NRXN1: variants seen among roughly 807,000 people sequenced by gnomAD.
The protein encoded by NRXN1 is neurexin-1.
A neutral mutation model predicts 150.9 loss-of-function variants in NRXN1; 39 were observed. That is an observed-to-expected ratio of 0.26 (90% CI 0.20 to 0.34). NRXN1 has a LOEUF of 0.34. NRXN1 is among the 10% of genes least tolerant of loss of function. The pLI is 1.00. For synonymous variants in NRXN1, 924 were observed against 757.0 expected (o/e 1.22, Z -3.62); for missense variants, 1,815 against 1,949.9 (o/e 0.93, Z 1.30).
At chr2:50,282,705 GA>G (rs2071620814) in intron 17 of NRXN1, among the ~76,000 whole-genome samples, 1 of 152,084 alleles carries the variant, frequency 6.6e-6, no homozygotes, top group African/African-American at 2.4e-5. Context: ...TTCATAATGG[GA>G]AATCAGATGA....
At chr2:50,142,653 T>C (rs990705101) in intron 18 of NRXN1, among the ~76,000 whole-genome samples, 1 of 151,978 alleles carries the variant, frequency 6.6e-6, no homozygotes, top group Non-Finnish European at 1.5e-5. Flanking sequence ...AATGATTTCA[T>C]ATAACTTTAG....
chr2:50,815,888 T>G (rs997817102), intron 5 of NRXN1, among the ~76,000 whole-genome samples: 1 of 152,172 alleles, frequency 6.6e-6, no homozygotes, highest in Non-Finnish European at 1.5e-5. Flanking sequence ...AAGTGTATCC[T>G]GAAAAATGCT....
At chr2:49,938,236 A>G (rs895431758) in intron 22 of NRXN1, among the ~76,000 whole-genome samples, 2 of 152,208 alleles carry the variant, frequency 1.3e-5, no homozygotes, top group African/African-American at 4.8e-5. Context: ...TACATGACAT[A>G]ACTTAATCTC....
At chr2:50,789,551 T>C (rs1386707117) in intron 5 of NRXN1, among the ~76,000 whole-genome samples, 1 of 152,234 alleles carries the variant, frequency 6.6e-6, no homozygotes, top group Non-Finnish European at 1.5e-5. Flanking sequence ...GCAGTGTCTT[T>C]CTGAGACAGT....
At chr2:51,014,654 T>C (rs1486566880) in intron 2 of NRXN1, among the ~76,000 whole-genome samples, 1 of 152,032 alleles carries the variant, frequency 6.6e-6, no homozygotes, top group African/African-American at 2.4e-5. Context: ...AAGTGAAGAG[T>C]CTGGCCTCAG....
chr2:50,877,573 A>G (rs940032498), intron 5 of NRXN1, among the ~76,000 whole-genome samples: 1 of 151,920 alleles, frequency 6.6e-6, no homozygotes, highest in Non-Finnish European at 1.5e-5. Context: ...TAAGTTATAT[A>G]CTTTAATTGT....
chr2:50,568,014 G>GA (rs972614909), intron 8 of NRXN1, among the ~76,000 whole-genome samples: 4 of 152,052 alleles, frequency 2.6e-5, no homozygotes, highest in Admixed American at 2.6e-4. Flanking sequence ...TTTTTCAGAA[G>GA]AAACTGAGCT....
chr2:50,407,440 C>T (rs1002273668), intron 17 of NRXN1, among the ~76,000 whole-genome samples: 2 of 152,178 alleles, frequency 1.3e-5, no homozygotes, highest in African/African-American at 4.8e-5. Flanking sequence ...TCACTGTCTT[C>T]AGCCTCATTG....
chr2:49,994,971 G>A (rs144292870), intron 21 of NRXN1, among the ~76,000 whole-genome samples: 1 of 152,286 alleles, frequency 6.6e-6, no homozygotes, highest in Non-Finnish European at 1.5e-5. Flanking sequence ...CAATTTAGGT[G>A]TAGTTCTCAT....
chr2:50,314,516 G>GA (rs199972717), intron 17 of NRXN1, among the ~76,000 whole-genome samples: 26 of 150,238 alleles, frequency 1.7e-4, no homozygotes, highest in East Asian at 1.6e-3. Flanking sequence ...ATCCCTCAGA[G>GA]AAAAAAAAAT....
At chr2:50,768,799 C>T (rs571013041) in intron 5 of NRXN1, among the ~76,000 whole-genome samples, 5 of 151,890 alleles carry the variant, frequency 3.3e-5, no homozygotes, top group South Asian at 4.2e-4. Flanking sequence ...TGATAGCTCA[C>T]AACTCCCTCA....
chr2:50,370,864 T>C (rs2079969182), intron 17 of NRXN1, among the ~76,000 whole-genome samples: 2 of 151,936 alleles, frequency 1.3e-5, no homozygotes, highest in African/African-American at 2.4e-5. Flanking sequence ...AGACTGAAAA[T>C]TACCCTCCTA....
intron 18 of NRXN1, among the ~76,000 whole-genome samples, chr2:50,121,271 T>G (rs1308538084): frequency 2.6e-5 from 4 of 152,242 alleles, no homozygotes; most frequent in Non-Finnish European, 5.9e-5. Flanking sequence ...TCCGCCTGCC[T>G]CAGCCTCCCA....
Position 49,950,257 on chromosome 2 carries a change from G to T in NRXN1, c.4129-6466C>A, listed in dbSNP as rs72885894. On this transcript the variant is annotated intron_variant, in intron 21 of 22. Transcript: ENST00000401669. ...TTCAGTTAATGAACAATCCTATTAA[G>T]GTGCAAGAGGAATTTAGAGGCTGTC... is the stretch of plus-strand genomic sequence containing the variant. Among the ~76,000 whole-genome samples, 869 of 151,994 alleles carry T rather than the reference G, an allele frequency of 5.7e-3. 7 individuals carry two copies. Among genetic ancestry groups the T allele is most frequent in the African/African-American group, 0.02 (840 of 41,530 alleles).
At chr2:50,195,399 G>A (rs480890) in intron 18 of NRXN1, among the ~76,000 whole-genome samples, 123,427 of 152,174 alleles carry the variant, frequency 0.81, 50,578 homozygotes, top group African/African-American at 0.92. Flanking sequence ...TAGTGCTTCA[G>A]TAGTAATTCT....
chr2:50,514,681 G>C (rs1023460616), intron 12 of NRXN1, among the ~76,000 whole-genome samples: 1 of 152,176 alleles, frequency 6.6e-6, no homozygotes, highest in Non-Finnish European at 1.5e-5. Flanking sequence ...AACAAATGGA[G>C]TGGCTGTGTT....
At chr2:50,606,983 G>C (rs921081378) in intron 8 of NRXN1, among the ~76,000 whole-genome samples, 1 of 152,030 alleles carries the variant, frequency 6.6e-6, no homozygotes, top group Non-Finnish European at 1.5e-5. Flanking sequence ...CATTTTTCTG[G>C]GTGGACAGTA....
chr2:50,398,394 C>T (rs1173950865), intron 17 of NRXN1, among the ~76,000 whole-genome samples: 1 of 151,752 alleles, frequency 6.6e-6, no homozygotes. Context: ...TATTCAAACG[C>T]AATGTTATTC....
chr2:50,154,540 G>A (rs1454398062), intron 18 of NRXN1, among the ~76,000 whole-genome samples: 2 of 151,542 alleles, frequency 1.3e-5, no homozygotes, highest in Non-Finnish European at 3.0e-5. Context: ...GTTAAAAAAA[G>A]GACAGTTCTA....
Sources: gnomAD v4.1 joint callset for allele counts (sites outside exome capture counted in the v4.1 genomes callset) on GRCh38, gnomAD v4.1.1 for gene constraint, MANE v1.5 for transcripts, NCBI Gene and HGNC (gene_info 2026-07-23, HGNC 2026-07-21) for gene names.